SPINK8: variants seen among roughly 807,000 people sequenced by gnomAD.
The protein encoded by SPINK8 is serine peptidase inhibitor Kazal type 8 (putative), also known as serine protease inhibitor Kazal-type 8.
SPINK8 carries 12 observed loss-of-function variants against 14.4 expected under a neutral mutation model. That is an observed-to-expected ratio of 0.83 (90% CI 0.53 to 1.35). The LOEUF is 1.35. Ranked by LOEUF, SPINK8 falls within the 40% of genes most tolerant of loss-of-function variation. The pLI is 0.00. For missense variants in SPINK8, 103 were observed against 117.0 expected (o/e 0.88, Z 0.55); for synonymous variants, 32 against 37.6 (o/e 0.85, Z 0.55).
chr3:48,318,432 C>T (rs1280771295), intron 6 of SPINK8, among the ~76,000 whole-genome samples: 6 of 152,222 alleles, frequency 3.9e-5, no homozygotes, highest in African/African-American at 7.2e-5. Flanking sequence ...TGAGCCACTG[C>T]GCCCAGCTAG....
At chr3:48,311,780 G>GAA (rs1474625469) in intron 6 of SPINK8, among the ~76,000 whole-genome samples, 1 of 152,138 alleles carries the variant, frequency 6.6e-6, no homozygotes, top group East Asian at 1.9e-4. Context: ...TCACTGACTG[G>GAA]AAGAATTAAT....
At chr3:48,309,010 T>C (rs185059057) in intron 7 of SPINK8, among the ~76,000 whole-genome samples, 1 of 152,312 alleles carries the variant, frequency 6.6e-6, no homozygotes, top group African/African-American at 2.4e-5. Flanking sequence ...TAAAAGTTCT[T>C]GTGATTTCTC....
At chr3:48,307,961 CTTTTTTTTTTTTTTTTT>C (rs869147798) in intron 7 of SPINK8, among the ~76,000 whole-genome samples, 1 of 68,214 alleles carries the variant, frequency 1.5e-5, no homozygotes, top group African/African-American at 6.4e-5. Context: ...AGTCTGCATT[CTTTTTTTTTTTTTTTTT>C]TTTTTTTTTT....
intron 5 of SPINK8, 54 bp downstream of exon 5, chr3:48,320,971 C>T (rs1189960861): frequency 4.5e-6 from 7 of 1,547,330 alleles, no homozygotes; most frequent in Non-Finnish European, 6.1e-6. Flanking sequence ...GGCTTTTGGG[C>T]AAACTGGCTC....
At chr3:48,328,588 T>C (rs979964388) in intron 3 of SPINK8, among the ~76,000 whole-genome samples, 1 of 150,724 alleles carries the variant, frequency 6.6e-6, no homozygotes, top group Non-Finnish European at 1.5e-5. Context: ...AGAAAAAGAG[T>C]TAGTAAAGAA....
intron 6 of SPINK8, among the ~76,000 whole-genome samples, chr3:48,318,679 G>A (rs1156262176): frequency 6.6e-6 from 1 of 152,216 alleles, no homozygotes; most frequent in Non-Finnish European, 1.5e-5. Flanking sequence ...ATACAAGAAA[G>A]TCCGATCCTG....
intron 7 of SPINK8, 22 bp downstream of exon 7, chr3:48,309,882 A>G: frequency 4.1e-6 from 6 of 1,453,120 alleles, no homozygotes; most frequent in Non-Finnish European, 5.4e-6. Context: ...TAAAAATAAA[A>G]AATAAAAGTG....
intron 6 of SPINK8, among the ~76,000 whole-genome samples, chr3:48,317,645 A>C (rs1212467411): frequency 6.6e-6 from 1 of 151,450 alleles, no homozygotes; most frequent in African/African-American, 2.4e-5. Context: ...CCTCCTGAGT[A>C]GCTGGGACTA....
chr3:48,327,719 C>T (rs1296321327), intron 4 of SPINK8, among the ~76,000 whole-genome samples: 2 of 152,076 alleles, frequency 1.3e-5, no homozygotes, highest in Non-Finnish European at 2.9e-5. Context: ...AAATAGTTTT[C>T]AGCTTGTTAC....
At chr3:48,317,275 G>C (rs532912583) in intron 6 of SPINK8, among the ~76,000 whole-genome samples, 3 of 152,150 alleles carry the variant, frequency 2.0e-5, no homozygotes, top group African/African-American at 7.2e-5. Context: ...GATCACCTGA[G>C]GTTAGGAGTT....
rs370579420 is a variant in SPINK8, at chr3:48,327,130, T to C, written c.67+1145A>G. Among the ~76,000 whole-genome samples, 46 of 152,300 alleles carry C rather than the reference T, an allele frequency of 3.0e-4. 1 individual carries two copies. The South Asian group carries it at 9.1e-3, about 30-fold the overall frequency. ...CCACATCACAAAGGCTTTGTGTTTA[T>C]TACAGCAGAACTAAGATAAGATTTG... On this transcript the variant is annotated intron_variant, in intron 4 of 7. Coordinates refer to ENST00000434006, the MANE Select transcript of SPINK8 (RefSeq NM_001080525.3).
intron 6 of SPINK8, among the ~76,000 whole-genome samples, chr3:48,315,494 G>T (rs957406088): frequency 6.6e-6 from 1 of 152,106 alleles, no homozygotes; most frequent in South Asian, 2.1e-4. Context: ...GCTGAGGCAG[G>T]TGGATCACTT....
chr3:48,323,918 G>C (rs568210353), intron 4 of SPINK8, among the ~76,000 whole-genome samples: 1 of 149,540 alleles, frequency 6.7e-6, no homozygotes, highest in South Asian at 2.1e-4. Flanking sequence ...ATTGAAAAGT[G>C]TGAGTACTTC....
intron 4 of SPINK8, among the ~76,000 whole-genome samples, chr3:48,326,610 A>G (rs1185559249): frequency 1.4e-5 from 2 of 145,490 alleles, no homozygotes; most frequent in Non-Finnish European, 3.1e-5. Context: ...CTGTCTCAAG[A>G]AAAAAAAAAA....
intron 4 of SPINK8, among the ~76,000 whole-genome samples, chr3:48,327,427 G>C (rs2036161040): frequency 6.6e-6 from 1 of 152,184 alleles, no homozygotes; most frequent in Admixed American, 6.5e-5. Context: ...CAAGAACAAG[G>C]AAAGGGTGAT....
intron 6 of SPINK8, among the ~76,000 whole-genome samples, chr3:48,318,909 T>C (rs191732376): frequency 6.6e-6 from 1 of 152,372 alleles, no homozygotes; most frequent in East Asian, 1.9e-4. Context: ...CCTAACTGTA[T>C]ACGGAGTTTC....
rs1448920160 is a variant in SPINK8, at chr3:48,333,524, G to A, written c.-242+11C>T. Among the ~76,000 whole-genome samples, 2 of 152,118 alleles carry A rather than the reference G, an allele frequency of 1.3e-5. No homozygotes were observed. Among genetic ancestry groups the A allele is most frequent in the Non-Finnish European group, 2.9e-5 (2 of 68,022 alleles). On this transcript the variant is annotated intron_variant, in intron 1 of 7. Transcript: ENST00000434006. The stretch of plus-strand genomic sequence containing the variant: ...CCACGGACCTCTGCTTATCAGATTA[G>A]TTACACTCACCGATGTAGCAGTCCT...
chr3:48,328,456 G>A, intron 3 of SPINK8, 102 bp from the exon 4 acceptor site: 1 of 699,722 alleles, frequency 1.4e-6, no homozygotes, highest in Non-Finnish European at 2.3e-6. Flanking sequence ...TAAATACTTT[G>A]TTCTTTCCTC....
rs919849212 is a variant in SPINK8 at position 48,317,115 on chromosome 3, T to C, written c.239+2382A>G. Among the ~76,000 whole-genome samples the C allele has an allele frequency of 9.8e-5, 15 of 152,340 alleles. 1 individual carries two copies. The South Asian group carries it at 2.9e-3, about 29-fold the overall frequency. The stretch of plus-strand genomic sequence containing the variant: ...TAAAACAATTATAAATCTGTGTGAA[T>C]GGGTGTACAATGAATAAAGCTGTAA... On this transcript the variant is annotated intron_variant, in intron 6 of 7. Coordinates refer to ENST00000434006, the MANE Select transcript of SPINK8 (RefSeq NM_001080525.3).
Sources: gnomAD v4.1 joint callset for allele counts (sites outside exome capture counted in the v4.1 genomes callset) on GRCh38, gnomAD v4.1.1 for gene constraint, MANE v1.5 for transcripts, NCBI Gene and HGNC (gene_info 2026-07-23, HGNC 2026-07-21) for gene names.